Variants in DISP3 observed in about 807,000 individuals in gnomAD.
The protein encoded by DISP3 is dispatched RND transporter family member 3, also known as protein dispatched homolog 3.
Under a neutral mutation model 135.3 loss-of-function variants are expected in DISP3, and 101 were observed. The ratio of observed to expected loss-of-function variants is 0.75; its 90% CI spans 0.64 to 0.88. The LOEUF (loss-of-function observed/expected upper bound fraction) is 0.88, where lower values mean the gene tolerates loss of function less well. DISP3 is among the 40% of genes least tolerant of loss of function. DISP3 has a pLI of 0.00. For missense variants in DISP3, 1,713 were observed against 1,878.6 expected, an observed-to-expected ratio of 0.91 and a Z score of 1.63; for synonymous variants, 856 against 817.0, an observed-to-expected ratio of 1.05 and a Z score of -0.81.
chr1:11,515,324 A>G (rs753551930), intron 4 of DISP3, 45 bp from the exon 5 acceptor site: 10 of 1,611,550 alleles, frequency 6.2e-6, no homozygotes, highest in African/African-American at 2.7e-5. Flanking sequence ...TTTGTGTCCC[A>G]TGAGGGTCCC....
Position 11,501,844 on chromosome 1 carries a change from C to A in DISP3, c.852C>A (p.Asp284Glu). 1 of 1,612,118 alleles carries A rather than the reference C, an allele frequency of 6.2e-7. No homozygotes were observed. Among genetic ancestry groups the A allele is most frequent in the Non-Finnish European group, 8.5e-7 (1 of 1,179,148 alleles). Residue 284 changes from aspartate (D) to glutamate (E), a missense_variant, in exon 2 of 21, where the codon GAC (aspartate) becomes GAA (glutamate). This residue lies in a region of DISP3 where 571 missense variants were observed against 494.1 expected (regional missense o/e 1.16). Transcript: ENST00000294484. The surrounding 1 kb of genome is among the most constrained non-coding windows in gnomAD (Gnocchi z 4.9). ...AGCTCATCTTCCTGGCGCGCGGCGA[C>A]GCGGAGCGCAACATTTTCACCAGTG... Reference protein sequence around the residue: ...RIELIFLARGDAERNIFTSER... With the variant: ...RIELIFLARGEAERNIFTSER...
At chr1:11,518,057 T>C (rs1401343432) in intron 7 of DISP3, among the ~76,000 whole-genome samples, 1 of 152,216 alleles carries the variant, frequency 6.6e-6, no homozygotes, top group East Asian at 1.9e-4. Flanking sequence ...TGTGCAGAGT[T>C]GAACGGGTCA....
rs1444383867 is a variant in DISP3 at position 11,525,913 on chromosome 1, G to A, written c.2613+601G>A. On this transcript the variant is annotated intron_variant, in intron 12 of 20. Transcript: ENST00000294484. ...CAGCCTCGACCTCCTGGGCTCAAGC[G>A]ATCCTCTCTCATCAGCCTCCTGAGT... Among the ~76,000 whole-genome samples, 8 of 152,112 alleles carry A rather than the reference G, an allele frequency of 5.3e-5. No individual in the cohort carries two copies. In the East Asian group the frequency reaches 1.2e-3, roughly 22 times the overall value.
At position 11,535,512 on chromosome 1, in the gene DISP3, G is replaced by T; in HGVS notation, c.3684G>T (p.Trp1228Cys). The T allele has an allele frequency of 6.2e-7, 1 of 1,612,846 alleles. No individual in the cohort carries two copies. ...GCCTGGTGGTGACCATCATGTACTG[G>T]AGCGGCTGGGAGATGGGGGCTGTGG... Reference protein sequence around the residue: ...IVCLVVTIMYWSGWEMGAVEA... With the variant: ...IVCLVVTIMYCSGWEMGAVEA... Residue 1228 changes from tryptophan (W) to cysteine (C), a missense_variant, in exon 20 of 21, where the codon TGG becomes TGT. Transcript: ENST00000294484.
In DISP3 at chr1:11,534,546, C is replaced by T. The variant is rs758484851; in HGVS notation, c.3535+6C>T. 7.3e-5 allele frequency: 117 copies of T among 1,596,690 alleles called. No homozygotes were observed. The highest frequency in any genetic ancestry group is 1.8e-4 in the East Asian group (8 of 44,730). The stretch of plus-strand genomic sequence containing the variant: ...GATATTCATGGAAATCGTAGGCAAG[C>T]GGCAGCCTCGCCCCTCCATCCTGGG... On this transcript the variant is annotated splice_donor_region_variant and intron_variant, in intron 18 of 20. Coordinates refer to ENST00000294484, the MANE Select transcript of DISP3 (RefSeq NM_020780.2).
In DISP3 at chr1:11,485,114, C is replaced by A. The variant is rs749035759; in HGVS notation, c.-4+5742C>A. On this transcript the variant is annotated intron_variant, in intron 1 of 20. Coordinates refer to ENST00000294484, the MANE Select transcript of DISP3 (RefSeq NM_020780.2). ...TCATCAGAGTCCCCATTCCCACCCC[C>A]CAGGACCTCTAGCTGAAGGAGCAGA... 6.8e-4 allele frequency among the ~76,000 whole-genome samples: 104 copies of A among 152,148 alleles called. 2 individuals carry two copies. Among genetic ancestry groups the A allele is most frequent in the Non-Finnish European group, 1.4e-3 (94 of 68,018 alleles).
chr1:11,511,856 A>G (rs1174890871), intron 3 of DISP3, among the ~76,000 whole-genome samples: 2 of 152,172 alleles, frequency 1.3e-5, no homozygotes, highest in Non-Finnish European at 2.9e-5. Flanking sequence ...ACGTTTCCAT[A>G]TATCTTCTGA....
intron 15 of DISP3, 133 bp from the exon 16 acceptor site, chr1:11,530,774 C>A: frequency 8.1e-7 from 1 of 1,236,984 alleles, no homozygotes; most frequent in Non-Finnish European, 1.1e-6. Context: ...TGAGCAGTTG[C>A]AGGCTGCCAA....
At position 11,516,771 on chromosome 1, in the gene DISP3, G is replaced by A. The variant is rs1315897464; in HGVS notation, c.1749+610G>A. 6.6e-6 allele frequency among the ~76,000 whole-genome samples: 1 copy of A among 152,176 alleles called. No homozygotes were observed. Among genetic ancestry groups the A allele is most frequent in the African/African-American group, 2.4e-5 (1 of 41,440 alleles). ...GGCTGAGTAGCCCCTCTGGAAACCAGTAGATGCTTTAGGATTATCCAGGTC... is the reference window on the plus strand; with the variant it reads ...GGCTGAGTAGCCCCTCTGGAAACCAATAGATGCTTTAGGATTATCCAGGTC... On this transcript the variant is annotated intron_variant, in intron 6 of 20. Coordinates refer to ENST00000294484, the MANE Select transcript of DISP3 (RefSeq NM_020780.2). This position sits in a 1 kb window ranked among gnomAD's most constrained non-coding sequence, Gnocchi z 5.1.
At chr1:11,508,429 AAAG>A (rs1641765656) in intron 3 of DISP3, among the ~76,000 whole-genome samples, 1 of 152,104 alleles carries the variant, frequency 6.6e-6, no homozygotes, top group Non-Finnish European at 1.5e-5. Context: ...TAAAAAAAAA[AAAG>A]AATTGTCAAA....
intron 1 of DISP3, chr1:11,481,771 T>A (rs1423358047): frequency 1.3e-5 from 2 of 152,136 alleles, no homozygotes; most frequent in African/African-American, 4.8e-5. Context: ...GGATTGAAAA[T>A]TGTGATTCTA....
intron 2 of DISP3, 95 bp from the exon 3 acceptor site, chr1:11,502,583 G>T: frequency 1.0e-6 from 1 of 981,458 alleles, no homozygotes; most frequent in Non-Finnish European, 1.5e-6. Flanking sequence ...GGGAATCCTG[G>T]GAGGCAGGGC....
Position 11,491,764 on chromosome 1 carries a change from T to A in DISP3, c.-3-9226T>A, listed in dbSNP as rs1452737282. ...ATCTTTGGGGCAGAGAATAAGGGAG[T>A]CCGCTCCAGTTGACTTGGGGACCTG... On this transcript the variant is annotated intron_variant, in intron 1 of 20. Coordinates refer to ENST00000294484, the MANE Select transcript of DISP3 (RefSeq NM_020780.2). The surrounding 1 kb of genome is among the most constrained non-coding windows in gnomAD (Gnocchi z 4.3). Among the ~76,000 whole-genome samples, 1 of 151,932 alleles carries A rather than the reference T, an allele frequency of 6.6e-6. No individual in the cohort carries two copies. The highest frequency in any genetic ancestry group is 1.5e-5 in the Non-Finnish European group (1 of 67,974).
chr1:11,481,038 T>TTTTCTC (rs1438832093), intron 1 of DISP3, among the ~76,000 whole-genome samples: 1 of 129,742 alleles, frequency 7.7e-6, no homozygotes, highest in African/African-American at 3.1e-5. Context: ...TCCCCCAGGT[T>TTTTCTC]TCTCTCTCTC....
chr1:11,529,509 T>A lies in DISP3; in HGVS notation c.2799-47T>A, dbSNP rs1288855506. ...GCCTGCTGGCCTCACCTCCCCTGAC[T>A]CCTCCTAGCCTTTCCGGCCTCAGCC... On this transcript the variant is annotated intron_variant, in intron 13 of 20. Coordinates refer to ENST00000294484, the MANE Select transcript of DISP3 (RefSeq NM_020780.2). The surrounding 1 kb of genome is among the most constrained non-coding windows in gnomAD (Gnocchi z 4.7). 2 of 1,520,598 alleles carry A rather than the reference T, an allele frequency of 1.3e-6. No homozygotes were observed. Among genetic ancestry groups the A allele is most frequent in the Non-Finnish European group, 8.8e-7 (1 of 1,131,950 alleles). 94.2% of individuals were successfully genotyped at this position (1,520,598 alleles called of 1,614,324 possible). A position where few individuals can be genotyped will look rare whatever the true frequency, so the allele number is the denominator to read the frequency against.
intron 3 of DISP3, among the ~76,000 whole-genome samples, chr1:11,510,940 G>C (rs563369109): frequency 6.6e-6 from 1 of 152,318 alleles, no homozygotes; most frequent in African/African-American, 2.4e-5. Context: ...GCACTTCTTA[G>C]ATGGCGACAG....
intron 12 of DISP3, 148 bp downstream of exon 12, chr1:11,525,460 T>A: frequency 9.4e-7 from 1 of 1,067,168 alleles, no homozygotes; most frequent in Non-Finnish European, 1.3e-6. Flanking sequence ...GCCATGTCTG[T>A]GACAGGGACC....
intron 1 of DISP3, among the ~76,000 whole-genome samples, chr1:11,492,862 G>C (rs953745967): frequency 6.6e-6 from 1 of 152,176 alleles, no homozygotes; most frequent in Non-Finnish European, 1.5e-5. Flanking sequence ...GGATCTGGAA[G>C]GCATTCCCTG....
intron 3 of DISP3, among the ~76,000 whole-genome samples, chr1:11,510,419 G>A (rs931798404): frequency 1.3e-4 from 20 of 151,952 alleles, no homozygotes; most frequent in African/African-American, 4.3e-4. Context: ...TTCATATGTA[G>A]TATAAGAGCT....
Sources: gnomAD v4.1 joint callset for allele counts (sites outside exome capture counted in the v4.1 genomes callset) on GRCh38, gnomAD v4.1.1 for gene constraint, gnomAD v4.1.1 regional missense constraint, Gnocchi (gnomAD v3.1) non-coding constraint, MANE v1.5 for transcripts, NCBI Gene and HGNC (gene_info 2026-07-23, HGNC 2026-07-21) for gene names.